The following SEPTIN9 variants were observed in gnomAD, a reference collection of about 807,000 sequenced individuals.
SEPTIN9 encodes septin-9.
A neutral mutation model predicts 56.6 loss-of-function variants in SEPTIN9; 13 were observed. The observed-to-expected ratio is 0.23, with a 90% CI of 0.15 to 0.37. SEPTIN9 has a LOEUF of 0.37. Ranked by LOEUF, SEPTIN9 falls within the 10% of genes least tolerant of loss-of-function variation. The pLI, the probability that SEPTIN9 is intolerant of heterozygous loss-of-function variation, is 1.00. For missense variants in SEPTIN9, 650 were observed against 823.1 expected (o/e 0.79, Z 2.57); for synonymous variants, 332 against 334.1 (o/e 0.99, Z 0.07).
chr17:77,397,539 A>C lies in SEPTIN9; in HGVS notation c.77-4520A>C, dbSNP rs567013545. Among the ~76,000 whole-genome samples, 4 of 152,252 alleles carry C rather than the reference A, an allele frequency of 2.6e-5. No individual in the cohort carries two copies. In the South Asian group the frequency reaches 8.3e-4, roughly 32 times the overall value. On this transcript the variant is annotated intron_variant, in intron 2 of 11. Transcript: ENST00000427177. Reference sequence around the variant, plus strand: ...TTTGGGGGTCACTAGTCAACCCTCTACAGAACCTCAGACGAAAGTGAATCT... The same window carrying C: ...TTTGGGGGTCACTAGTCAACCCTCTCCAGAACCTCAGACGAAAGTGAATCT...
At chr17:77,404,705 C>A (rs1033489094) in intron 3 of SEPTIN9, among the ~76,000 whole-genome samples, 3 of 152,164 alleles carry the variant, frequency 2.0e-5, no homozygotes, top group African/African-American at 7.2e-5. Flanking sequence ...GGGTCTGGGG[C>A]CTGGGACTCT....
At chr17:77,486,408 G>A (rs1178954743) in intron 4 of SEPTIN9, among the ~76,000 whole-genome samples, 1 of 151,966 alleles carries the variant, frequency 6.6e-6, no homozygotes, top group African/African-American at 2.4e-5. Flanking sequence ...CTGGCCTAGG[G>A]TATTTTTTTT....
Position 77,475,154 on chromosome 17 carries a change from C to T in SEPTIN9, c.722-6990C>T. On this transcript the variant is annotated intron_variant, in intron 3 of 11. Transcript: ENST00000427177. This position sits in a 1 kb window ranked among gnomAD's most constrained non-coding sequence, Gnocchi z 4.6. ...CTACGCTGCTCTGAAGAAAGCCGGG[C>T]TGGGGTGAGCGTGATGGATGAGGTG... 14 of 1,045,520 alleles carry T rather than the reference C, an allele frequency of 1.3e-5. No homozygotes were observed. The highest frequency in any genetic ancestry group is 1.7e-5 in the Non-Finnish European group (14 of 838,262). 64.8% of individuals were successfully genotyped at this position (1,045,520 alleles called of 1,614,324 possible).
chr17:77,305,027 C>T (rs1414446324), intron 1 of SEPTIN9, among the ~76,000 whole-genome samples: 2 of 152,168 alleles, frequency 1.3e-5, no homozygotes, highest in Non-Finnish European at 2.9e-5. Flanking sequence ...GGCCATCTCT[C>T]CTGGTCTTAA....
intron 2 of SEPTIN9, among the ~76,000 whole-genome samples, chr17:77,393,603 A>C (rs1568034008): frequency 6.7e-6 from 1 of 148,986 alleles, no homozygotes; most frequent in Non-Finnish European, 1.5e-5. Flanking sequence ...ATTTATTTTT[A>C]TTTGAGATGG....
intron 2 of SEPTIN9, among the ~76,000 whole-genome samples, chr17:77,392,669 T>C (rs957061096): frequency 6.7e-6 from 1 of 150,024 alleles, no homozygotes; most frequent in African/African-American, 2.4e-5. Flanking sequence ...GGGATTGAGC[T>C]GGGGGTGGGG....
intron 2 of SEPTIN9, chr17:77,380,258 C>CCCCCCCCCCCCCCCCCCGCAT (rs1309017700): frequency 1.3e-5 from 1 of 75,092 alleles, no homozygotes. Flanking sequence ...CAGTGAGGCC[C>CCCCCCCCCCCCCCCCCCGCAT]GCCCCCCCCC....
At chr17:77,373,912 C>G (rs1457490176) in intron 2 of SEPTIN9, 2 of 232,314 alleles carry the variant, frequency 8.6e-6, no homozygotes, top group Non-Finnish European at 1.7e-5. Context: ...CCAGGACGCA[C>G]AGTTTCACTC....
At chr17:77,458,024 G>A (rs548838764) in intron 3 of SEPTIN9, among the ~76,000 whole-genome samples, 1 of 152,202 alleles carries the variant, frequency 6.6e-6, no homozygotes, top group Non-Finnish European at 1.5e-5. Flanking sequence ...CACCCTGAAG[G>A]GGGGCTGGAT....
chr17:77,348,757 T>C (rs1418308051), intron 2 of SEPTIN9, among the ~76,000 whole-genome samples: 1 of 152,202 alleles, frequency 6.6e-6, no homozygotes, highest in African/African-American at 2.4e-5. Flanking sequence ...TATGGGTTCA[T>C]TTACCACTTT....
chr17:77,443,724 G>C (rs2037633091), intron 3 of SEPTIN9, among the ~76,000 whole-genome samples: 2 of 152,038 alleles, frequency 1.3e-5, no homozygotes, highest in African/African-American at 4.8e-5. Context: ...TTAAAACCTG[G>C]GAGGTGGAGG....
In SEPTIN9 at chr17:77,498,706, C is replaced by A; in HGVS notation, c.*48C>A. The A allele has an allele frequency of 1.1e-6, 1 of 881,796 alleles. No individual in the cohort carries two copies. Among genetic ancestry groups the A allele is most frequent in the Non-Finnish European group, 1.5e-6 (1 of 650,524 alleles). The allele number at this position is 881,796 out of a possible 1,614,324, so 54.6% of individuals were successfully genotyped here. A position where few individuals can be genotyped will look rare whatever the true frequency, so the allele number is the denominator to read the frequency against. On this transcript the variant is annotated 3_prime_UTR_variant, in exon 12 of 12. Coordinates refer to ENST00000427177, the MANE Select transcript of SEPTIN9 (RefSeq NM_001113491.2). ...GATCCTGCCCCCAAGTCATTTCCGT[C>A]CCCCCCCAGGCCCTCCCACCACCCC...
chr17:77,361,968 C>A (rs2034433855), intron 2 of SEPTIN9, among the ~76,000 whole-genome samples: 1 of 152,222 alleles, frequency 6.6e-6, no homozygotes, highest in Admixed American at 6.5e-5. Flanking sequence ...GTCTTGCACA[C>A]CTTGCTGGCT....
chr17:77,288,241 C>T (rs999590678), intron 1 of SEPTIN9: 15 of 1,033,520 alleles, frequency 1.5e-5, no homozygotes, highest in East Asian at 5.8e-5. Flanking sequence ...CCGGCTCCTC[C>T]CAGGCTGCTT....
At chr17:77,490,141 T>G (rs1452152458) in intron 7 of SEPTIN9, among the ~76,000 whole-genome samples, 1 of 152,238 alleles carries the variant, frequency 6.6e-6, no homozygotes, top group Non-Finnish European at 1.5e-5. Context: ...CGGAGCGGGC[T>G]TCTCCCCAGC....
At chr17:77,383,535 A>G (rs1452932699) in intron 2 of SEPTIN9, among the ~76,000 whole-genome samples, 1 of 152,150 alleles carries the variant, frequency 6.6e-6, no homozygotes, top group Non-Finnish European at 1.5e-5. Flanking sequence ...ATCTCTGTCT[A>G]CTAGTCCTTG....
At position 77,476,599 on chromosome 17, in the gene SEPTIN9, G is replaced by C. The variant is rs1344545907; in HGVS notation, c.722-5545G>C. Among the ~76,000 whole-genome samples the C allele has an allele frequency of 6.6e-6, 1 of 152,254 alleles. No individual in the cohort carries two copies. Among genetic ancestry groups the C allele is most frequent in the Admixed American group, 6.5e-5 (1 of 15,284 alleles). On this transcript the variant is annotated intron_variant, in intron 3 of 11. Transcript: ENST00000427177. This position sits in a 1 kb window ranked among gnomAD's most constrained non-coding sequence, Gnocchi z 6.0. Reference sequence around the variant, plus strand: ...GGAGGAGGGAGCTGGTCCCCAGGATGAGCAGATTTGGGGGCAGTCCCCATC... The same window carrying C: ...GGAGGAGGGAGCTGGTCCCCAGGATCAGCAGATTTGGGGGCAGTCCCCATC...
rs747156110 is a variant in SEPTIN9, at chr17:77,499,250, A to C, written c.*592A>C. 1 of 595,910 alleles carries C rather than the reference A, an allele frequency of 1.7e-6. No individual in the cohort carries two copies. The highest frequency in any genetic ancestry group is 2.8e-4 in the Middle Eastern group (1 of 3,632). 36.9% of individuals were successfully genotyped at this position (595,910 alleles called of 1,614,324 possible). A position where few individuals can be genotyped will look rare whatever the true frequency, so the allele number is the denominator to read the frequency against. ...TGCCACCGACTGCCCAGCCACTCCAAGCCCCCTGGCAGCTGCCCCTCCTGG... is the reference window on the plus strand; with the variant it reads ...TGCCACCGACTGCCCAGCCACTCCACGCCCCCTGGCAGCTGCCCCTCCTGG... On this transcript the variant is annotated 3_prime_UTR_variant, in exon 12 of 12. Coordinates refer to ENST00000427177, the MANE Select transcript of SEPTIN9 (RefSeq NM_001113491.2).
At chr17:77,452,540 C>T (rs2144417660) in intron 3 of SEPTIN9, among the ~76,000 whole-genome samples, 1 of 152,288 alleles carries the variant, frequency 6.6e-6, no homozygotes, top group Non-Finnish European at 1.5e-5. Context: ...TAATTCCTTT[C>T]CTGGAGAAAA....
Sources: gnomAD v4.1 joint callset for allele counts (sites outside exome capture counted in the v4.1 genomes callset) on GRCh38, gnomAD v4.1.1 for gene constraint, Gnocchi (gnomAD v3.1) non-coding constraint, MANE v1.5 for transcripts, NCBI Gene and HGNC (gene_info 2026-07-23, HGNC 2026-07-21) for gene names.